The following STK32B variants were observed in gnomAD, a reference collection of about 807,000 sequenced individuals.
STK32B encodes serine/threonine kinase 32B.
STK32B carries 43 observed loss-of-function variants against 52.6 expected under a neutral mutation model. That is an observed-to-expected ratio of 0.82 (90% CI 0.64 to 1.05). STK32B has a LOEUF of 1.05. STK32B is among the 50% of genes least tolerant of loss of function. The pLI is 0.00. For synonymous variants in STK32B, 238 were observed against 204.3 expected, an observed-to-expected ratio of 1.17 and a Z score of -1.41; for missense variants, 621 against 534.6, an observed-to-expected ratio of 1.16 and a Z score of -1.59.
rs187536111 is a variant in STK32B, at chr4:5,445,576, C to T, written c.563-1097C>T. Among the ~76,000 whole-genome samples the T allele has an allele frequency of 1.3e-5, 2 of 152,168 alleles. 1 individual carries two copies. The highest frequency in any genetic ancestry group is 3.9e-4 in the East Asian group (2 of 5,160). On this transcript the variant is annotated intron_variant, in intron 6 of 11. Transcript: ENST00000282908. ...CTTGGAGAGTGATCAGAGACAAGGACCCCAGGACAAATGCAGCACCCTGAA... is the reference window on the plus strand; with the variant it reads ...CTTGGAGAGTGATCAGAGACAAGGATCCCAGGACAAATGCAGCACCCTGAA...
intron 4 of STK32B, among the ~76,000 whole-genome samples, chr4:5,392,124 G>A (rs975554562): frequency 3.9e-5 from 6 of 152,154 alleles, no homozygotes; most frequent in African/African-American, 1.4e-4. Flanking sequence ...CCTGAAATGT[G>A]AATAACATAA....
At chr4:5,102,490 T>TTTCTTCCC (rs1713853535) in intron 1 of STK32B, among the ~76,000 whole-genome samples, 1 of 79,876 alleles carries the variant, frequency 1.3e-5, no homozygotes, top group Non-Finnish European at 2.5e-5. Flanking sequence ...CCTTCCTTCC[T>TTTCTTCCC]TCCCTCCCTC....
intron 1 of STK32B, among the ~76,000 whole-genome samples, chr4:5,100,429 C>T (rs1057451727): frequency 1.4e-5 from 2 of 141,290 alleles, no homozygotes; most frequent in African/African-American, 5.4e-5. Context: ...TGCCTTCCTT[C>T]CCTCCTTCCT....
At chr4:5,481,430 G>A (rs1049547884) in intron 11 of STK32B, among the ~76,000 whole-genome samples, 3 of 152,060 alleles carry the variant, frequency 2.0e-5, no homozygotes, top group Non-Finnish European at 4.4e-5. Flanking sequence ...TGATAGGGTT[G>A]TTTGTTTTTT....
chr4:5,269,632 A>G (rs1318233376), intron 3 of STK32B, among the ~76,000 whole-genome samples: 3 of 152,170 alleles, frequency 2.0e-5, no homozygotes, highest in Admixed American at 6.5e-5. Flanking sequence ...TGAATTTTGT[A>G]AAAAAGGCCT....
intron 1 of STK32B, among the ~76,000 whole-genome samples, chr4:5,066,383 C>T (rs967672909): frequency 2.6e-5 from 4 of 152,160 alleles, no homozygotes; most frequent in Non-Finnish European, 5.9e-5. Flanking sequence ...TGACTGGCCT[C>T]CCTGTCTTCT....
chr4:5,337,972 C>T (rs1169494656), intron 4 of STK32B, among the ~76,000 whole-genome samples: 1 of 152,112 alleles, frequency 6.6e-6, no homozygotes, highest in Non-Finnish European at 1.5e-5. Context: ...GAAGTCCAGT[C>T]TCCAGGGAAA....
Position 5,089,379 on chromosome 4 carries a change from C to G in STK32B, c.52+37464C>G, listed in dbSNP as rs542950890. Reference sequence around the variant, plus strand: ...AGGCCCTGGTGTGTGTTGTTCCCTTCTCTGTGTCCATATATTCTCATTGTT... The same window carrying G: ...AGGCCCTGGTGTGTGTTGTTCCCTTGTCTGTGTCCATATATTCTCATTGTT... On this transcript the variant is annotated intron_variant, in intron 1 of 11. Coordinates refer to ENST00000282908, the MANE Select transcript of STK32B (RefSeq NM_018401.3). Among the ~76,000 whole-genome samples the G allele has an allele frequency of 2.0e-5, 3 of 152,204 alleles. No homozygotes were observed. In the South Asian group the frequency reaches 6.2e-4, roughly 32 times the overall value.
intron 1 of STK32B, among the ~76,000 whole-genome samples, chr4:5,072,716 C>T (rs1266013262): frequency 6.6e-6 from 1 of 152,148 alleles, no homozygotes; most frequent in Non-Finnish European, 1.5e-5. Context: ...CCTTCTGTTA[C>T]TGGTGTACTG....
At chr4:5,255,784 A>C (rs1726252997) in intron 3 of STK32B, among the ~76,000 whole-genome samples, 1 of 151,992 alleles carries the variant, frequency 6.6e-6, no homozygotes, top group South Asian at 2.1e-4. Flanking sequence ...ATTATTGCCT[A>C]CTCTTCTACT....
chr4:5,056,828 A>G (rs186457247), intron 1 of STK32B, among the ~76,000 whole-genome samples: 64 of 152,338 alleles, frequency 4.2e-4, no homozygotes, highest in Admixed American at 2.6e-3. Context: ...CATTTGGAAT[A>G]AGGATCTATG....
intron 1 of STK32B, among the ~76,000 whole-genome samples, chr4:5,056,874 G>A (rs147292821): frequency 2.0e-5 from 3 of 152,262 alleles, no homozygotes; most frequent in East Asian, 1.9e-4. Context: ...GAGTATCAAC[G>A]GAAAAAGGGC....
chr4:5,336,651 TAA>T (rs1020249068), intron 4 of STK32B, among the ~76,000 whole-genome samples: 2 of 152,276 alleles, frequency 1.3e-5, no homozygotes, highest in Non-Finnish European at 2.9e-5. Context: ...TGCTGGAAGA[TAA>T]AGTCTTTATA....
intron 3 of STK32B, among the ~76,000 whole-genome samples, chr4:5,191,342 C>G (rs1302687151): frequency 6.6e-6 from 1 of 151,902 alleles, no homozygotes; most frequent in Non-Finnish European, 1.5e-5. Context: ...GCTCTGCCTC[C>G]CGGGTTCACA....
chr4:5,188,788 T>G (rs1250938839), intron 3 of STK32B, among the ~76,000 whole-genome samples: 1 of 151,692 alleles, frequency 6.6e-6, no homozygotes, highest in Non-Finnish European at 1.5e-5. Flanking sequence ...TTTTTTTTTT[T>G]TTCTAAGAAG....
In STK32B at chr4:5,331,107, C is replaced by T. The variant is rs1577356799; in HGVS notation, c.261-113C>T. 4 of 1,029,556 alleles carry T rather than the reference C, an allele frequency of 3.9e-6. No individual in the cohort carries two copies. In the East Asian group the frequency reaches 1.1e-4, roughly 28 times the overall value. The allele number at this position is 1,029,556 out of a possible 1,614,324, so 63.8% of individuals were successfully genotyped here. A position where few individuals can be genotyped will look rare whatever the true frequency, so the allele number is the denominator to read the frequency against. The stretch of plus-strand genomic sequence containing the variant: ...TCCCATAGCACCATGACTCAGGCAA[C>T]TCAGTGCCTCTCTCTGAGCCTCAGT... On this transcript the variant is annotated intron_variant, in intron 3 of 11. Transcript: ENST00000282908.
At chr4:5,161,722 T>C (rs912398933) in intron 2 of STK32B, among the ~76,000 whole-genome samples, 1 of 152,066 alleles carries the variant, frequency 6.6e-6, no homozygotes, top group Non-Finnish European at 1.5e-5. Context: ...GCATATTGGG[T>C]AGTAAAAAGC....
intron 3 of STK32B, among the ~76,000 whole-genome samples, chr4:5,245,120 A>G (rs974881116): frequency 9.2e-5 from 14 of 152,146 alleles, no homozygotes; most frequent in South Asian, 4.2e-4. Context: ...CAATTCCTGG[A>G]TATCCTTGTT....
At position 5,397,551 on chromosome 4, in the gene STK32B, A is replaced by G. The variant is rs6815086; in HGVS notation, c.435-656A>G. ...TGTGGGTCACTATGTTACCCTTAAAAGAGGTCAGCAAACTTTCTCCATAAA... is the reference window on the plus strand; with the variant it reads ...TGTGGGTCACTATGTTACCCTTAAAGGAGGTCAGCAAACTTTCTCCATAAA... On this transcript the variant is annotated intron_variant, in intron 4 of 11. Transcript: ENST00000282908. Among the ~76,000 whole-genome samples, 496 of 152,342 alleles carry G rather than the reference A, an allele frequency of 3.3e-3. 4 individuals are homozygous for G. The highest frequency in any genetic ancestry group is 0.012 in the African/African-American group (483 of 41,568).
Sources: gnomAD v4.1 joint callset for allele counts (sites outside exome capture counted in the v4.1 genomes callset) on GRCh38, gnomAD v4.1.1 for gene constraint, MANE v1.5 for transcripts, NCBI Gene and HGNC (gene_info 2026-07-23, HGNC 2026-07-21) for gene names.